The following CDH13 variants were observed in gnomAD, a reference collection of about 807,000 sequenced individuals.
The protein encoded by CDH13 is cadherin 13.
A neutral mutation model predicts 63.8 loss-of-function variants in CDH13; 24 were observed. That is an observed-to-expected ratio of 0.38 (90% CI 0.27 to 0.53). CDH13 has a LOEUF of 0.53. CDH13 is among the 20% of genes least tolerant of loss of function. CDH13 has a pLI of 0.85. For synonymous variants in CDH13, 503 were observed against 355.3 expected (o/e 1.42, Z -4.67); for missense variants, 1,049 against 903.1 (o/e 1.16, Z -2.07).
chr16:82,805,754 G>T (rs2037108614), intron 1 of CDH13, among the ~76,000 whole-genome samples: 1 of 152,170 alleles, frequency 6.6e-6, no homozygotes, highest in African/African-American at 2.4e-5. Flanking sequence ...GAGCATCCAA[G>T]TTCCATCTTA....
chr16:83,095,051 C>T (rs1342561437), intron 3 of CDH13, among the ~76,000 whole-genome samples: 3 of 152,114 alleles, frequency 2.0e-5, no homozygotes, highest in African/African-American at 4.8e-5. Flanking sequence ...TTAGAAAAAT[C>T]CCACTCTTCC....
chr16:83,732,183 C>T (rs932074510), intron 10 of CDH13, among the ~76,000 whole-genome samples: 5 of 152,158 alleles, frequency 3.3e-5, no homozygotes, highest in East Asian at 1.9e-4. Context: ...ATCACACAAC[C>T]GGTGTGATTA....
intron 7 of CDH13, among the ~76,000 whole-genome samples, chr16:83,492,681 C>G (rs1454960289): frequency 6.6e-6 from 1 of 152,208 alleles, no homozygotes; most frequent in African/African-American, 2.4e-5. Flanking sequence ...AGGCAGAATG[C>G]TAAGTCCTGG....
chr16:83,146,615 A>G (rs1165849539), intron 4 of CDH13, among the ~76,000 whole-genome samples: 1 of 152,258 alleles, frequency 6.6e-6, no homozygotes, highest in Non-Finnish European at 1.5e-5. Flanking sequence ...TTATATGTGT[A>G]TGTCACGTTA....
At chr16:82,723,821 C>A (rs778920395) in intron 1 of CDH13, among the ~76,000 whole-genome samples, 1 of 152,092 alleles carries the variant, frequency 6.6e-6, no homozygotes, top group African/African-American at 2.4e-5. Flanking sequence ...GAAATTGTGC[C>A]ATGTGCTAGG....
intron 1 of CDH13, among the ~76,000 whole-genome samples, chr16:82,708,561 C>G (rs750324771): frequency 7.2e-5 from 11 of 152,166 alleles, no homozygotes; most frequent in Non-Finnish European, 1.0e-4. Context: ...AGATAGTATC[C>G]TCTACTTTCT....
At chr16:83,079,743 G>A (rs560249574) in intron 3 of CDH13, among the ~76,000 whole-genome samples, 4 of 152,258 alleles carry the variant, frequency 2.6e-5, no homozygotes, top group African/African-American at 9.6e-5. Flanking sequence ...CATACCATGA[G>A]GATTTTTTAT....
At chr16:83,781,923 T>A (rs1040915794) in intron 12 of CDH13, among the ~76,000 whole-genome samples, 1 of 150,792 alleles carries the variant, frequency 6.6e-6, no homozygotes, top group Admixed American at 6.6e-5. Context: ...ACCCCGGAAC[T>A]TCAATTAAAA....
intron 7 of CDH13, among the ~76,000 whole-genome samples, chr16:83,512,057 C>G (rs578018972): frequency 5.9e-5 from 9 of 152,226 alleles, no homozygotes; most frequent in Admixed American, 2.0e-4. Flanking sequence ...CGCGGTGGCT[C>G]ACGCCTGTAA....
intron 2 of CDH13, among the ~76,000 whole-genome samples, chr16:83,001,505 C>T (rs998946339): frequency 2.6e-5 from 4 of 152,204 alleles, no homozygotes; most frequent in Admixed American, 6.5e-5. Flanking sequence ...GCTGCCAGAC[C>T]GTGTCCAGGG....
chr16:83,657,535 C>A (rs1912975844), intron 8 of CDH13, among the ~76,000 whole-genome samples: 1 of 152,134 alleles, frequency 6.6e-6, no homozygotes, highest in South Asian at 2.1e-4. Flanking sequence ...CAAAGTGTTC[C>A]TTGACAATCA....
chr16:83,115,465 C>G lies in CDH13; in HGVS notation c.367-9920C>G, dbSNP rs544085837. ...GGAACCAGGTTATGTCATCTTGAGTCTAGAATATAAGCTTCAAACTCTCCA... is the reference window on the plus strand; with the variant it reads ...GGAACCAGGTTATGTCATCTTGAGTGTAGAATATAAGCTTCAAACTCTCCA... On this transcript the variant is annotated intron_variant, in intron 3 of 13. Transcript: ENST00000567109. 2.0e-4 allele frequency among the ~76,000 whole-genome samples: 31 copies of G among 152,324 alleles called. No homozygotes were observed. The South Asian group carries it at 5.8e-3, about 28-fold the overall frequency.
At chr16:83,469,120 T>A (rs1387794690) in intron 6 of CDH13, among the ~76,000 whole-genome samples, 1 of 152,202 alleles carries the variant, frequency 6.6e-6, no homozygotes, top group African/African-American at 2.4e-5. Context: ...GAGGTGGAAT[T>A]CAGCAGAAGC....
intron 1 of CDH13, among the ~76,000 whole-genome samples, chr16:82,682,362 T>C (rs930616102): frequency 6.6e-6 from 1 of 152,150 alleles, no homozygotes; most frequent in Non-Finnish European, 1.5e-5. Context: ...TAGAAAGTTT[T>C]CATTGAAAAA....
chr16:83,259,155 A>G (rs528107451), intron 5 of CDH13, among the ~76,000 whole-genome samples: 49 of 152,258 alleles, frequency 3.2e-4, no homozygotes, highest in African/African-American at 1.0e-3. Context: ...TGAGGGGGAC[A>G]GTCACTAAGA....
At chr16:83,137,070 GC>G (rs1398452802) in intron 4 of CDH13, among the ~76,000 whole-genome samples, 1 of 152,236 alleles carries the variant, frequency 6.6e-6, no homozygotes, top group Admixed American at 6.5e-5. Flanking sequence ...GGGTCAGGGG[GC>G]ACATGGGTCC....
At chr16:83,566,615 C>T (rs1389133735) in intron 7 of CDH13, among the ~76,000 whole-genome samples, 1 of 152,244 alleles carries the variant, frequency 6.6e-6, no homozygotes, top group East Asian at 1.9e-4. Context: ...CATGGGTTTA[C>T]CCTCCTTGTA....
chr16:83,483,670 T>C lies in CDH13; in HGVS notation c.782-2807T>C, dbSNP rs929975872. On this transcript the variant is annotated intron_variant, in intron 6 of 13. Transcript: ENST00000567109. ...TAACTGGAGACTGGTGTGGAATTGATGGGGTTAAGGCCTCCTCCTATGTCT... is the reference window on the plus strand; with the variant it reads ...TAACTGGAGACTGGTGTGGAATTGACGGGGTTAAGGCCTCCTCCTATGTCT... 3.3e-5 allele frequency among the ~76,000 whole-genome samples: 5 copies of C among 152,270 alleles called. No homozygotes were observed. The East Asian group carries it at 9.7e-4, about 29-fold the overall frequency.
chr16:83,525,279 A>T (rs765797838), intron 7 of CDH13, among the ~76,000 whole-genome samples: 4 of 152,224 alleles, frequency 2.6e-5, no homozygotes, highest in Non-Finnish European at 5.9e-5. Flanking sequence ...TTTACTGAGC[A>T]CTTTGTCTGC....
Sources: allele counts gnomAD v4.1 joint callset (sites outside exome capture counted in the v4.1 genomes callset), GRCh38; gene constraint gnomAD v4.1.1; transcripts MANE v1.5; gene names NCBI Gene and HGNC (gene_info 2026-07-23, HGNC 2026-07-21).